ROBO1: variants seen among roughly 807,000 people sequenced by gnomAD.
ROBO1 encodes the protein roundabout guidance receptor 1, also known as roundabout homolog 1.
Under a neutral mutation model 195.9 loss-of-function variants are expected in ROBO1, and 149 were observed. The ratio of observed to expected loss-of-function variants is 0.76; its 90% confidence interval spans 0.67 to 0.87. The LOEUF is 0.87. Among genes scored for constraint, ROBO1 ranks in the 40% least tolerant of loss-of-function variants. The probability of loss-of-function intolerance (pLI) is 0.00; values close to 1 mark genes in which losing one functional copy is unlikely to be tolerated. For missense variants in ROBO1, 1,933 were observed against 2,068.3 expected, an observed-to-expected ratio of 0.93 and a Z score of 1.27; for synonymous variants, 816 against 733.2, an observed-to-expected ratio of 1.11 and a Z score of -1.82.
intron 8 of ROBO1, among the ~76,000 whole-genome samples, chr3:78,696,491 C>T (rs930063134): frequency 6.6e-6 from 1 of 151,968 alleles, no homozygotes; most frequent in Non-Finnish European, 1.5e-5. Flanking sequence ...CAATATCTAA[C>T]TCTCTGTACA....
intron 4 of ROBO1, among the ~76,000 whole-genome samples, chr3:78,788,005 T>C (rs192951935): frequency 1.7e-3 from 239 of 141,060 alleles, no homozygotes; most frequent in African/African-American, 5.9e-3. Context: ...AGGGGCACGA[T>C]CTCGGCTCAC....
chr3:79,752,720 T>G (rs945947842), intron 1 of ROBO1, among the ~76,000 whole-genome samples: 1 of 152,098 alleles, frequency 6.6e-6, no homozygotes, highest in African/African-American at 2.4e-5. Context: ...GGAGAGGCTA[T>G]AATTATGGAA....
intron 3 of ROBO1, among the ~76,000 whole-genome samples, chr3:79,104,504 G>A (rs1326863698): frequency 6.6e-6 from 1 of 151,682 alleles, no homozygotes; most frequent in East Asian, 1.9e-4. Context: ...TTTAACAAGA[G>A]CAGACACCTG....
rs191472715 is a variant in ROBO1, at chr3:78,949,964, C to A, written c.173-11037G>T. On this transcript the variant is annotated intron_variant, in intron 3 of 30. Coordinates refer to ENST00000464233, the MANE Select transcript of ROBO1 (RefSeq NM_002941.4). ...TGCAAATCAAAACTATAATGAGATA[C>A]CATCTCACACCAGTTAGAATGGCAA... Among the ~76,000 whole-genome samples, 482 of 152,254 alleles carry A rather than the reference C, an allele frequency of 3.2e-3. 3 individuals are homozygous for A. The highest frequency in any genetic ancestry group is 0.011 in the African/African-American group (463 of 41,548).
At chr3:79,208,171 C>T (rs955227399) in intron 2 of ROBO1, among the ~76,000 whole-genome samples, 9 of 152,162 alleles carry the variant, frequency 5.9e-5, no homozygotes, top group African/African-American at 2.2e-4. Context: ...TGTGCCATCT[C>T]TCAGCCTTCT....
chr3:78,881,557 T>C (rs978362735), intron 4 of ROBO1, among the ~76,000 whole-genome samples: 5 of 152,216 alleles, frequency 3.3e-5, no homozygotes, highest in Non-Finnish European at 7.3e-5. Context: ...GCATCTTATA[T>C]AAGTACTTTG....
At chr3:79,286,414 G>C (rs1160985708) in intron 2 of ROBO1, among the ~76,000 whole-genome samples, 3 of 152,238 alleles carry the variant, frequency 2.0e-5, no homozygotes, top group South Asian at 2.1e-4. Flanking sequence ...TAAAGAGACA[G>C]CCTGTGGAAA....
chr3:78,828,210 T>C (rs564223359), intron 4 of ROBO1, among the ~76,000 whole-genome samples: 1 of 152,304 alleles, frequency 6.6e-6, no homozygotes, highest in Non-Finnish European at 1.5e-5. Flanking sequence ...CTTCTCAGCA[T>C]AAACTTCATT....
At chr3:78,686,255 T>C (rs963890708) in intron 9 of ROBO1, among the ~76,000 whole-genome samples, 9 of 152,136 alleles carry the variant, frequency 5.9e-5, no homozygotes, top group Admixed American at 5.9e-4. Flanking sequence ...ATATTAGATA[T>C]ATAAGAATAT....
intron 2 of ROBO1, among the ~76,000 whole-genome samples, chr3:79,409,763 C>T (rs2037691447): frequency 6.6e-6 from 1 of 152,082 alleles, no homozygotes; most frequent in African/African-American, 2.4e-5. Flanking sequence ...TGGAGACCAC[C>T]ACAAAAATCA....
chr3:79,138,196 G>GT (rs2080452493), intron 2 of ROBO1, among the ~76,000 whole-genome samples: 3 of 152,002 alleles, frequency 2.0e-5, no homozygotes, highest in Admixed American at 2.0e-4. Flanking sequence ...GAATCTTTTG[G>GT]TGTAAGTTGA....
intron 4 of ROBO1, among the ~76,000 whole-genome samples, chr3:78,879,368 G>A (rs941104907): frequency 6.6e-6 from 1 of 152,084 alleles, no homozygotes; most frequent in Non-Finnish European, 1.5e-5. Flanking sequence ...CCTACAAGCT[G>A]ACTGCACATA....
At chr3:79,183,345 G>C (rs773335015) in intron 2 of ROBO1, among the ~76,000 whole-genome samples, 1 of 152,158 alleles carries the variant, frequency 6.6e-6, no homozygotes, top group Non-Finnish European at 1.5e-5. Flanking sequence ...GTAGATGGAT[G>C]AATGTGAAGA....
chr3:78,958,705 A>C (rs2041170332), intron 3 of ROBO1, among the ~76,000 whole-genome samples: 1 of 152,104 alleles, frequency 6.6e-6, no homozygotes, highest in Admixed American at 6.5e-5. Context: ...TGACCAATTC[A>C]TCCCAGTTTA....
chr3:79,243,635 T>C (rs1277755443), intron 2 of ROBO1, among the ~76,000 whole-genome samples: 1 of 152,204 alleles, frequency 6.6e-6, no homozygotes, highest in Non-Finnish European at 1.5e-5. Context: ...ATGTCTTCTT[T>C]TGAGAAGTGT....
chr3:79,417,051 T>TCG (rs2038034196), intron 2 of ROBO1, among the ~76,000 whole-genome samples: 1 of 152,162 alleles, frequency 6.6e-6, no homozygotes, highest in African/African-American at 2.4e-5. Flanking sequence ...TTAGCAGAAC[T>TCG]CGCATGATGG....
chr3:79,004,364 T>C (rs2077573732), intron 3 of ROBO1, among the ~76,000 whole-genome samples: 1 of 152,196 alleles, frequency 6.6e-6, no homozygotes, highest in Non-Finnish European at 1.5e-5. Flanking sequence ...AAGAAATTCA[T>C]ACTCCAATTT....
chr3:79,634,939 T>C (rs999784677), intron 1 of ROBO1, among the ~76,000 whole-genome samples: 20 of 152,226 alleles, frequency 1.3e-4, no homozygotes, highest in Non-Finnish European at 2.4e-4. Context: ...GTTAATGTTA[T>C]ATGGAACTTA....
At chr3:78,928,270 G>C (rs1185000130) in intron 4 of ROBO1, among the ~76,000 whole-genome samples, 1 of 152,098 alleles carries the variant, frequency 6.6e-6, no homozygotes, top group Non-Finnish European at 1.5e-5. Context: ...ATTGGATAGG[G>C]TTAAGAAAAC....
Sources: gnomAD v4.1 joint callset for allele counts (sites outside exome capture counted in the v4.1 genomes callset) on GRCh38, gnomAD v4.1.1 for gene constraint, MANE v1.5 for transcripts, NCBI Gene and HGNC (gene_info 2026-07-23, HGNC 2026-07-21) for gene names.